Variants in MPP7 observed in about 807,000 individuals in gnomAD.
MPP7 encodes the protein MAGUK p55 scaffold protein 7.
In MPP7, 60 loss-of-function variants were observed where a neutral mutation model predicts 76.5. The observed-to-expected ratio is 0.78, with a 90% CI of 0.64 to 0.97. MPP7 has a LOEUF of 0.97. MPP7 is among the 50% of genes least tolerant of loss of function. The pLI, the probability that MPP7 is intolerant of heterozygous loss-of-function variation, is 0.00. For synonymous variants in MPP7, 237 were observed against 244.5 expected, an observed-to-expected ratio of 0.97 and a Z score of 0.29; for missense variants, 641 against 694.0, an observed-to-expected ratio of 0.92 and a Z score of 0.86.
At chr10:28,081,136 T>C (rs934789231) in intron 12 of MPP7, among the ~76,000 whole-genome samples, 1 of 152,212 alleles carries the variant, frequency 6.6e-6, no homozygotes, top group African/African-American at 2.4e-5. Flanking sequence ...ATGTGAAATA[T>C]ACAGAAAGAT....
rs558755679 is a variant in MPP7 at position 28,185,794 on chromosome 10, G to A, written c.156+16359C>T. ...ACATGCTCTAGAAATATAATTAAATGTGGTGGTGAATAGGCCTCCAAGCCA... is the reference window on the plus strand; with the variant it reads ...ACATGCTCTAGAAATATAATTAAATATGGTGGTGAATAGGCCTCCAAGCCA... On this transcript the variant is annotated intron_variant, in intron 3 of 16. Transcript: ENST00000683449. Among the ~76,000 whole-genome samples, 60 of 152,238 alleles carry A rather than the reference G, an allele frequency of 3.9e-4. 1 individual carries two copies. In the South Asian group the frequency reaches 5.8e-3, roughly 15 times the overall value.
intron 2 of MPP7, among the ~76,000 whole-genome samples, chr10:28,218,648 C>T (rs150204658): frequency 6.6e-6 from 1 of 152,108 alleles, no homozygotes; most frequent in South Asian, 2.1e-4. Context: ...TACTGCCATG[C>T]GATCACAGTC....
At chr10:28,094,377 C>T (rs1356045111) in intron 11 of MPP7, among the ~76,000 whole-genome samples, 6 of 152,272 alleles carry the variant, frequency 3.9e-5, no homozygotes, top group Non-Finnish European at 7.4e-5. Flanking sequence ...CGGACCAGTA[C>T]CTAGGCTCTG....
intron 2 of MPP7, 29 bp from the exon 3 acceptor site, chr10:28,202,300 T>C: frequency 1.3e-6 from 2 of 1,509,372 alleles, no homozygotes; most frequent in South Asian, 1.1e-5. Flanking sequence ...ACACAAAGTG[T>C]AATCTTAGAG....
At chr10:28,220,463 T>A (rs1322728344) in intron 2 of MPP7, among the ~76,000 whole-genome samples, 2 of 152,308 alleles carry the variant, frequency 1.3e-5, no homozygotes, top group East Asian at 3.9e-4. Flanking sequence ...AAATGCAGTA[T>A]TGGCTTTATG....
intron 2 of MPP7, among the ~76,000 whole-genome samples, chr10:28,312,306 T>A (rs1256836414): frequency 5.3e-5 from 8 of 152,186 alleles, no homozygotes; most frequent in Non-Finnish European, 1.5e-5. Context: ...TACAGAGCAC[T>A]GATTGGTGCA....
At chr10:28,179,359 T>C (rs1336158784) in intron 3 of MPP7, among the ~76,000 whole-genome samples, 1 of 152,190 alleles carries the variant, frequency 6.6e-6, no homozygotes, top group Admixed American at 6.5e-5. Context: ...AAGTGATTAC[T>C]TGAGTGTTGA....
At chr10:28,257,253 G>A (rs751016226) in intron 1 of MPP7, among the ~76,000 whole-genome samples, 2 of 152,040 alleles carry the variant, frequency 1.3e-5, no homozygotes, top group Admixed American at 6.6e-5. Context: ...TCATTTATCT[G>A]GTGCCTGGGA....
intron 11 of MPP7, among the ~76,000 whole-genome samples, chr10:28,114,718 A>G (rs762059041): frequency 3.3e-5 from 5 of 152,204 alleles, no homozygotes; most frequent in Non-Finnish European, 2.9e-5. Context: ...ATAATCCGCA[A>G]CCACAGATCA....
intron 11 of MPP7, among the ~76,000 whole-genome samples, chr10:28,105,119 A>C (rs1854008226): frequency 7.7e-6 from 1 of 129,628 alleles, no homozygotes; most frequent in Non-Finnish European, 1.5e-5. Flanking sequence ...GCGCCACTGC[A>C]CTCTAGCCTG....
chr10:28,120,617 CCT>C lies in MPP7; in HGVS notation c.665_666del (p.Glu222GlyfsTer16). The C allele has an allele frequency of 1.2e-6, 2 of 1,613,782 alleles. No individual in the cohort carries two copies. Among genetic ancestry groups the C allele is most frequent in the Non-Finnish European group, 1.7e-6 (2 of 1,179,828 alleles). On this transcript the variant is annotated frameshift_variant, in exon 9 of 17. Transcript: ENST00000683449. LOFTEE classifies it high-confidence loss of function. ...ITFKIIPGSK[E>X]ETPSKEGKMF... is the part of the protein sequence containing the mutation. ...ACCTTGCCTTCTTTTGATGGTGTCT[CCT>C]CTTTGCTGCCGGGTATAATCTTAAA...
chr10:28,186,297 G>A (rs1403255808), intron 3 of MPP7, among the ~76,000 whole-genome samples: 1 of 149,838 alleles, frequency 6.7e-6, no homozygotes, highest in African/African-American at 2.5e-5. Flanking sequence ...AGTGGGCTGA[G>A]ATCGCACCAC....
At chr10:28,209,141 C>T (rs1025740031) in intron 2 of MPP7, among the ~76,000 whole-genome samples, 4 of 152,088 alleles carry the variant, frequency 2.6e-5, no homozygotes, top group African/African-American at 7.2e-5. Context: ...CCTGCAGAGC[C>T]GTGAGCCAAT....
At chr10:28,068,139 T>C (rs933211222) in intron 13 of MPP7, among the ~76,000 whole-genome samples, 1 of 152,128 alleles carries the variant, frequency 6.6e-6, no homozygotes, top group Non-Finnish European at 1.5e-5. Flanking sequence ...AATTATTTTG[T>C]AAAATTTTCT....
chr10:28,265,968 C>CTGTTT (rs1436905237), intron 1 of MPP7, among the ~76,000 whole-genome samples: 1 of 151,888 alleles, frequency 6.6e-6, no homozygotes, highest in East Asian at 1.9e-4. Flanking sequence ...GCCTTCTGTT[C>CTGTTT]TGTTTTGTTT....
chr10:28,124,040 T>C lies in MPP7; in HGVS notation c.606A>G (p.Ile202Met). The C allele has an allele frequency of 6.2e-7, 1 of 1,604,498 alleles. No individual in the cohort carries two copies. Among genetic ancestry groups the C allele is most frequent in the Non-Finnish European group, 8.5e-7 (1 of 1,171,534 alleles). ...GAAATTTACAGCTTACCAAAATCTG[T>C]ATTATTTCCTCAGGCCTTTTATCCT... ...PVEDKRPEEI[I>M]QILAQSQGAI... The change falls in exon 8 of 17, where the codon ATA becomes ATG. Residue 202 changes from isoleucine to methionine, a missense_variant. Transcript: ENST00000683449.
At chr10:28,243,616 A>T (rs761876942) in intron 1 of MPP7, among the ~76,000 whole-genome samples, 4 of 151,916 alleles carry the variant, frequency 2.6e-5, no homozygotes, top group Admixed American at 2.0e-4. Flanking sequence ...AGAAACTGCC[A>T]TATATCTTTG....
At chr10:28,055,627 T>C (rs1851524340) in intron 16 of MPP7, among the ~76,000 whole-genome samples, 1 of 152,208 alleles carries the variant, frequency 6.6e-6, no homozygotes, top group Non-Finnish European at 1.5e-5. Flanking sequence ...TATTGCTGAA[T>C]AATATTGGTC....
intron 2 of MPP7, among the ~76,000 whole-genome samples, chr10:28,325,811 C>T (rs1834407314): frequency 6.6e-6 from 1 of 151,828 alleles, no homozygotes; most frequent in African/African-American, 2.4e-5. Flanking sequence ...CACATTTCTA[C>T]AAAAAATTTA....
Sources: allele counts gnomAD v4.1 joint callset (sites outside exome capture counted in the v4.1 genomes callset), GRCh38; gene constraint gnomAD v4.1.1; transcripts MANE v1.5; gene names NCBI Gene and HGNC (gene_info 2026-07-23, HGNC 2026-07-21).